Variants in EFR3B observed in about 807,000 individuals in gnomAD.
The protein encoded by EFR3B is EFR3 homolog B, also known as protein EFR3 homolog B.
In EFR3B, 64 loss-of-function variants were observed where a neutral mutation model predicts 104.7. That is an observed-to-expected ratio of 0.61 (90% CI 0.50 to 0.75). EFR3B has a LOEUF of 0.75. Ranked by LOEUF, EFR3B falls within the 30% of genes least tolerant of loss-of-function variation. The pLI is 0.00. For missense variants in EFR3B, 750 were observed against 1,078.5 expected, an observed-to-expected ratio of 0.70 and a Z score of 4.27; for synonymous variants, 385 against 417.9, an observed-to-expected ratio of 0.92 and a Z score of 0.96.
chr2:25,079,870 A>G (rs1668742548), intron 1 of EFR3B: 10 of 1,104,664 alleles, frequency 9.1e-6, no homozygotes, highest in Non-Finnish European at 1.2e-5. Flanking sequence ...TAGCACATTT[A>G]ACACCTTCAG....
chr2:25,131,813 C>T lies in EFR3B; in HGVS notation c.1049C>T (p.Ala350Val). The T allele has an allele frequency of 1.3e-6, 2 of 1,549,534 alleles. No individual in the cohort carries two copies. The highest frequency in any genetic ancestry group is 2.4e-5 in the East Asian group (1 of 40,884). ...LRQLRLSIDY[A>V]LTGSYDGAVS... ...CAGCTGCGGCTCAGCATCGACTACG[C>T]GCTGACCGGGAGCTACGACGGGGCG... The change falls in exon 10 of 23, where the codon GCG becomes GTG. Residue 350 changes from alanine (A) to valine (V), a missense_variant. Transcript: ENST00000403714. The surrounding 1 kb of genome is among the most constrained non-coding windows in gnomAD (Gnocchi z 7.6).
intron 1 of EFR3B, among the ~76,000 whole-genome samples, chr2:25,058,857 G>T (rs1668100744): frequency 6.6e-6 from 1 of 150,622 alleles, no homozygotes; most frequent in Non-Finnish European, 1.5e-5. Flanking sequence ...GGGAAAAAAT[G>T]GTGCAGCCAC....
chr2:25,133,242 C>T (rs1010001455), intron 11 of EFR3B, 141 bp from the exon 12 acceptor site: 1 of 1,001,700 alleles, frequency 1.0e-6, no homozygotes, highest in African/African-American at 1.6e-5. Flanking sequence ...TGGTCGGCTT[C>T]CTGGGTCCGG....
intron 21 of EFR3B, among the ~76,000 whole-genome samples, chr2:25,152,813 AGTGTGTGTGTGTGT>A (rs60834744): frequency 7.1e-6 from 1 of 141,352 alleles, no homozygotes; most frequent in African/African-American, 2.5e-5. Context: ...TTCATATAGA[AGTGTGTGTGTGTGT>A]GTGTGTGTGT....
rs866249093 is a variant in EFR3B at position 25,079,775 on chromosome 2, T to C, written c.8-11550T>C. On this transcript the variant is annotated intron_variant, in intron 1 of 22. Transcript: ENST00000403714. ...GAATTAAATGCAAACCAAATGTTTT[T>C]AAAAGTTTGTATACCTACATGGCAA... 5.6e-5 allele frequency: 34 copies of C among 610,472 alleles called. 1 individual carries two copies. The highest frequency in any genetic ancestry group is 5.1e-4 in the Middle Eastern group (1 of 1,958). The allele number at this position is 610,472 out of a possible 1,614,324, so 37.8% of individuals were successfully genotyped here. A position where few individuals can be genotyped will look rare whatever the true frequency, so the allele number is the denominator to read the frequency against.
chr2:25,070,967 C>G (rs1668477156), intron 1 of EFR3B, among the ~76,000 whole-genome samples: 1 of 152,196 alleles, frequency 6.6e-6, no homozygotes, highest in Non-Finnish European at 1.5e-5. Context: ...CTTTTCTTTT[C>G]TTTTCTTTTT....
chr2:25,080,325 GCTC>G, intron 1 of EFR3B: 1 of 416,898 alleles, frequency 2.4e-6, no homozygotes. Flanking sequence ...ATGGAGTTTT[GCTC>G]TTGTCGTCCA....
intron 1 of EFR3B, among the ~76,000 whole-genome samples, chr2:25,074,598 C>A (rs1668585677): frequency 6.6e-6 from 1 of 151,740 alleles, no homozygotes; most frequent in African/African-American, 2.4e-5. Flanking sequence ...AAAGAAGCAT[C>A]TTTGCCTTCA....
At chr2:25,150,161 G>A (rs549965360) in intron 20 of EFR3B, among the ~76,000 whole-genome samples, 1 of 152,068 alleles carries the variant, frequency 6.6e-6, no homozygotes, top group South Asian at 2.1e-4. Context: ...AATTAGCCAG[G>A]CATGGTGGCA....
chr2:25,137,451 G>T lies in EFR3B; in HGVS notation c.1671G>T (p.Leu557=), dbSNP rs10153701. 1,113 of 1,551,764 alleles carry T rather than the reference G, an allele frequency of 7.2e-4. 6 individuals carry two copies. In the African/African-American group the frequency reaches 0.014, roughly 20 times the overall value. The change falls in exon 15 of 23, where the codon CTG becomes CTT. Residue 557 remains leucine (L), a synonymous_variant. Coordinates refer to ENST00000403714, the MANE Select transcript of EFR3B (RefSeq NM_014971.2). The surrounding 1 kb of genome is among the most constrained non-coding windows in gnomAD (Gnocchi z 4.7). ...TGCTGGCCCTCATCAGCATCGAGCT[G>T]GCTAACGAGGAGGTGGTGGTGGACC... is the stretch of plus-strand genomic sequence containing the variant. The part of the protein sequence containing the change: ...YGLLALISIE[L]ANEEVVVDLI...
chr2:25,157,355 C>T lies in EFR3B; in HGVS notation c.*3015C>T, dbSNP rs930978279. On this transcript the variant is annotated 3_prime_UTR_variant, in exon 23 of 23. Coordinates refer to ENST00000403714, the MANE Select transcript of EFR3B (RefSeq NM_014971.2). ...GGTGAGTGTGATAGTAGGTAATCTC[C>T]TCACCCCAGCACAGGCCCTGGGAGA... 12 of 152,162 alleles carry T rather than the reference C, an allele frequency of 7.9e-5. No homozygotes were observed. Among genetic ancestry groups the T allele is most frequent in the Non-Finnish European group, 1.6e-4 (11 of 68,056 alleles). The allele number at this position is 152,162 out of a possible 1,614,324, so 9.4% of individuals were successfully genotyped here. A position where few individuals can be genotyped will look rare whatever the true frequency, so the allele number is the denominator to read the frequency against.
intron 3 of EFR3B, among the ~76,000 whole-genome samples, chr2:25,096,321 A>G (rs2149187410): frequency 6.6e-6 from 1 of 152,098 alleles, no homozygotes; most frequent in African/African-American, 2.4e-5. Context: ...GCCTCCATGG[A>G]ATCTTTCATA....
chr2:25,145,407 C>CA (rs948887152), intron 19 of EFR3B: 1 of 367,732 alleles, frequency 2.7e-6, no homozygotes, highest in Non-Finnish European at 4.9e-6. Context: ...CCCATCTCTA[C>CA]AAAAAATAAT....
At chr2:25,076,230 A>AT (rs1668631143) in intron 1 of EFR3B, among the ~76,000 whole-genome samples, 1 of 152,136 alleles carries the variant, frequency 6.6e-6, no homozygotes, top group South Asian at 2.1e-4. Flanking sequence ...GGTACTTCAC[A>AT]TCCAAGAATA....
At chr2:25,055,473 GCTAA>G (rs1316129862) in intron 1 of EFR3B, among the ~76,000 whole-genome samples, 2 of 152,050 alleles carry the variant, frequency 1.3e-5, no homozygotes, top group Admixed American at 6.6e-5. Flanking sequence ...GGATTCAAAC[GCTAA>G]CTGTCTTATT....
intron 1 of EFR3B, among the ~76,000 whole-genome samples, chr2:25,068,668 C>T (rs1191578681): frequency 6.7e-6 from 1 of 148,398 alleles, no homozygotes; most frequent in Non-Finnish European, 1.5e-5. Context: ...CTCGCTCTGT[C>T]CCCCAGGCTG....
Position 25,042,353 on chromosome 2 carries a change from CG to C in EFR3B, c.7+39del, listed in dbSNP as rs1178950576. The C allele has an allele frequency of 8.0e-6, 10 of 1,255,906 alleles. No individual in the cohort carries two copies. In the South Asian group the frequency reaches 1.1e-4, roughly 14 times the overall value. The allele number at this position is 1,255,906 out of a possible 1,614,324, so 77.8% of individuals were successfully genotyped here. A position where few individuals can be genotyped will look rare whatever the true frequency, so the allele number is the denominator to read the frequency against. Reference sequence around the variant, plus strand: ...GGCTCCGCGCCCGGGCCCGGGCCCGCGGGGGCGACTCCGCAAACTTCCCCGG... The same window carrying C: ...GGCTCCGCGCCCGGGCCCGGGCCCGCGGGGCGACTCCGCAAACTTCCCCGG... On this transcript the variant is annotated intron_variant, in intron 1 of 22. Transcript: ENST00000403714. The surrounding 1 kb of genome is among the most constrained non-coding windows in gnomAD (Gnocchi z 5.4).
chr2:25,109,501 C>T (rs1306687370), intron 4 of EFR3B, among the ~76,000 whole-genome samples: 1 of 152,158 alleles, frequency 6.6e-6, no homozygotes, highest in Non-Finnish European at 1.5e-5. Context: ...AATTATATGG[C>T]CCAGCAATTC....
At chr2:25,109,101 A>G (rs1669648743) in intron 4 of EFR3B, among the ~76,000 whole-genome samples, 1 of 152,168 alleles carries the variant, frequency 6.6e-6, no homozygotes, top group Non-Finnish European at 1.5e-5. Context: ...AAGGGAGAAA[A>G]TATTTACCAA....
Sources: gnomAD v4.1 joint callset for allele counts (sites outside exome capture counted in the v4.1 genomes callset) on GRCh38, gnomAD v4.1.1 for gene constraint, Gnocchi (gnomAD v3.1) non-coding constraint, MANE v1.5 for transcripts, NCBI Gene and HGNC (gene_info 2026-07-23, HGNC 2026-07-21) for gene names.